The following RAD51B variants were observed in gnomAD, a reference collection of about 807,000 sequenced individuals.
RAD51B encodes DNA repair protein RAD51 homolog 2.
Under a neutral mutation model 42.2 loss-of-function variants are expected in RAD51B, and 38 were observed. That is an observed-to-expected ratio of 0.90 (90% CI 0.70 to 1.18). The LOEUF is 1.18. RAD51B is among the 50% of genes most tolerant of loss of function. The pLI is 0.00. For missense variants in RAD51B, 373 were observed against 400.7 expected, an observed-to-expected ratio of 0.93 and a Z score of 0.59; for synonymous variants, 154 against 145.2, an observed-to-expected ratio of 1.06 and a Z score of -0.43.
At chr14:68,272,927 G>C (rs1188953495) in intron 7 of RAD51B, among the ~76,000 whole-genome samples, 1 of 150,972 alleles carries the variant, frequency 6.6e-6, no homozygotes, top group African/African-American at 2.4e-5. Flanking sequence ...CTGGTGATCC[G>C]CCTGCCTCGG....
intron 7 of RAD51B, among the ~76,000 whole-genome samples, chr14:68,070,894 T>C (rs2076730179): frequency 6.6e-6 from 1 of 152,194 alleles, no homozygotes; most frequent in African/African-American, 2.4e-5. Flanking sequence ...TTTAACAATA[T>C]TGATTCTTCT....
At chr14:67,952,223 A>AG (rs1274642610) in intron 7 of RAD51B, among the ~76,000 whole-genome samples, 1 of 152,132 alleles carries the variant, frequency 6.6e-6, no homozygotes, top group East Asian at 1.9e-4. Flanking sequence ...TAGAAAAAAA[A>AG]AAAGATAACT....
chr14:68,006,228 GA>G (rs1410430709), intron 7 of RAD51B, among the ~76,000 whole-genome samples: 3 of 152,178 alleles, frequency 2.0e-5, no homozygotes, highest in Non-Finnish European at 4.4e-5. Context: ...TTTTCTTAAT[GA>G]CATGCAGAAG....
intron 7 of RAD51B, among the ~76,000 whole-genome samples, chr14:68,024,633 C>G (rs1028717419): frequency 1.3e-5 from 2 of 152,032 alleles, no homozygotes; most frequent in Non-Finnish European, 2.9e-5. Flanking sequence ...ATTTGATTCT[C>G]AGCCTGGATG....
intron 7 of RAD51B, among the ~76,000 whole-genome samples, chr14:67,918,823 T>TA (rs2044236648): frequency 6.6e-6 from 1 of 152,168 alleles, no homozygotes; most frequent in African/African-American, 2.4e-5. Flanking sequence ...TCCAACCAAA[T>TA]AGTCAATCAA....
chr14:68,332,749 A>G (rs1292089385), intron 8 of RAD51B, among the ~76,000 whole-genome samples: 1 of 87,578 alleles, frequency 1.1e-5, no homozygotes, highest in Non-Finnish European at 2.9e-5. Context: ...GTGCAGAGAG[A>G]GAAATAAATA....
At chr14:68,461,388 T>G (rs537624633) in intron 9 of RAD51B, among the ~76,000 whole-genome samples, 20 of 151,426 alleles carry the variant, frequency 1.3e-4, no homozygotes, top group African/African-American at 4.8e-4. Flanking sequence ...CCTGCCTCAT[T>G]TAATGTATTA....
At chr14:68,335,163 G>A (rs1030634388) in intron 8 of RAD51B, among the ~76,000 whole-genome samples, 8 of 150,462 alleles carry the variant, frequency 5.3e-5, no homozygotes, top group Admixed American at 4.0e-4. Flanking sequence ...TGGGCATGGT[G>A]GCGGGTGCTT....
At chr14:68,387,088 T>G (rs1279412433) in intron 8 of RAD51B, 1 of 152,250 alleles carries the variant, frequency 6.6e-6, no homozygotes, top group East Asian at 1.9e-4. Context: ...GTTAAACTAC[T>G]GACCCGTTTC....
At chr14:68,446,415 C>T (rs2085423052) in intron 9 of RAD51B, among the ~76,000 whole-genome samples, 1 of 152,282 alleles carries the variant, frequency 6.6e-6, no homozygotes, top group East Asian at 1.9e-4. Context: ...CTATGATTTT[C>T]CTGTAAGGAA....
intron 8 of RAD51B, among the ~76,000 whole-genome samples, chr14:68,302,356 G>A (rs916069218): frequency 3.9e-5 from 6 of 152,240 alleles, no homozygotes; most frequent in Non-Finnish European, 8.8e-5. Flanking sequence ...GGAACAGATA[G>A]GAGTCCTGGC....
At chr14:68,156,355 G>GT (rs2078504991) in intron 7 of RAD51B, among the ~76,000 whole-genome samples, 1 of 151,772 alleles carries the variant, frequency 6.6e-6, no homozygotes, top group African/African-American at 2.4e-5. Flanking sequence ...GTTATTCCTA[G>GT]TTTTTTATGC....
chr14:68,147,603 A>G (rs990566336), intron 7 of RAD51B, among the ~76,000 whole-genome samples: 2 of 152,166 alleles, frequency 1.3e-5, no homozygotes, highest in African/African-American at 4.8e-5. Context: ...TATCTCTATA[A>G]TGCCCAATTG....
intron 7 of RAD51B, among the ~76,000 whole-genome samples, chr14:68,288,802 T>A (rs897134135): frequency 2.6e-5 from 4 of 152,236 alleles, no homozygotes; most frequent in African/African-American, 9.6e-5. Context: ...AACCATATCA[T>A]TGGAGTCCCA....
intron 7 of RAD51B, among the ~76,000 whole-genome samples, chr14:67,931,599 T>C (rs950493328): frequency 1.1e-4 from 17 of 148,912 alleles, no homozygotes; most frequent in Admixed American, 1.0e-3. Context: ...GCCTCCCGGG[T>C]TCAAGCAATT....
intron 7 of RAD51B, among the ~76,000 whole-genome samples, chr14:68,148,265 A>G (rs1418378208): frequency 2.6e-5 from 4 of 152,180 alleles, no homozygotes; most frequent in African/African-American, 4.8e-5. Flanking sequence ...GTTTATGGCT[A>G]TTACAAATAA....
intron 9 of RAD51B, among the ~76,000 whole-genome samples, chr14:68,424,051 T>C (rs1280289860): frequency 1.3e-5 from 2 of 152,212 alleles, no homozygotes; most frequent in African/African-American, 4.8e-5. Flanking sequence ...GAGAAGTCTC[T>C]GTGGCATCTT....
intron 9 of RAD51B, among the ~76,000 whole-genome samples, chr14:68,438,987 G>A (rs1430884362): frequency 6.6e-6 from 1 of 152,124 alleles, no homozygotes; most frequent in Non-Finnish European, 1.5e-5. Flanking sequence ...CCAGTCAGTG[G>A]ATTGTTTGCT....
At chr14:68,149,260 T>C (rs2078322339) in intron 7 of RAD51B, among the ~76,000 whole-genome samples, 1 of 152,238 alleles carries the variant, frequency 6.6e-6, no homozygotes. Context: ...AGTGTTATAT[T>C]CAAACTCATT....
Sources: gnomAD v4.1 joint callset for allele counts (sites outside exome capture counted in the v4.1 genomes callset) on GRCh38, gnomAD v4.1.1 for gene constraint, MANE v1.5 for transcripts, NCBI Gene and HGNC (gene_info 2026-07-23, HGNC 2026-07-21) for gene names.